Variants in SGCD observed in about 807,000 individuals in gnomAD.
The protein encoded by SGCD is delta-sarcoglycan.
A neutral mutation model predicts 36.6 loss-of-function variants in SGCD; 18 were observed. The observed-to-expected ratio is 0.49, with a 90% confidence interval of 0.34 to 0.73. The LOEUF (loss-of-function observed/expected upper bound fraction) is 0.73, where lower values mean the gene tolerates loss of function less well. Among genes scored for constraint, SGCD ranks in the 30% least tolerant of loss-of-function variants. The pLI is 0.01. For synonymous variants in SGCD, 133 were observed against 130.6 expected (o/e 1.02, Z -0.12); for missense variants, 387 against 346.7 (o/e 1.12, Z -0.92).
chr5:156,172,159 C>T (rs533731986), intron 3 of SGCD, among the ~76,000 whole-genome samples: 1 of 152,294 alleles, frequency 6.6e-6, no homozygotes, highest in South Asian at 2.1e-4. Flanking sequence ...TGGCAGATGC[C>T]TGTAATCCAA....
intron 1 of SGCD, among the ~76,000 whole-genome samples, chr5:156,008,832 G>T (rs545464221): frequency 2.4e-4 from 37 of 152,292 alleles, no homozygotes; most frequent in African/African-American, 8.7e-4. Flanking sequence ...TGTATCTTTT[G>T]CAGGAGGCAC....
chr5:156,680,637 C>T (rs915362398), intron 7 of SGCD, among the ~76,000 whole-genome samples: 3 of 152,114 alleles, frequency 2.0e-5, no homozygotes, highest in African/African-American at 7.2e-5. Context: ...TATGGTCCCA[C>T]CTCAGTGAAC....
At chr5:156,487,009 A>G (rs995306675) in intron 3 of SGCD, among the ~76,000 whole-genome samples, 1 of 152,128 alleles carries the variant, frequency 6.6e-6, no homozygotes, top group East Asian at 1.9e-4. Context: ...ACTGTCAGCT[A>G]TCAGTACCCA....
intron 3 of SGCD, among the ~76,000 whole-genome samples, chr5:156,483,925 G>A (rs916928588): frequency 7.3e-6 from 1 of 137,140 alleles, no homozygotes; most frequent in African/African-American, 2.5e-5. Context: ...TAGTAGAATG[G>A]CTTTTGCAGC....
chr5:156,690,048 C>G (rs757329932), intron 7 of SGCD, among the ~76,000 whole-genome samples: 6 of 152,058 alleles, frequency 3.9e-5, no homozygotes, highest in Non-Finnish European at 8.8e-5. Context: ...CAAAATATGC[C>G]GTTGCTATTT....
intron 3 of SGCD, among the ~76,000 whole-genome samples, chr5:156,491,232 T>C (rs986720965): frequency 2.0e-5 from 3 of 152,086 alleles, no homozygotes; most frequent in African/African-American, 7.2e-5. Context: ...TGATCATAGA[T>C]AGGAAGAATT....
chr5:156,396,138 C>A (rs1771837558), intron 3 of SGCD, among the ~76,000 whole-genome samples: 1 of 152,194 alleles, frequency 6.6e-6, no homozygotes, highest in African/African-American at 2.4e-5. Flanking sequence ...CTCTCCCCAC[C>A]ACTGCAATCC....
rs1763878387 is a variant in SGCD at position 156,660,534 on chromosome 5, AT to A, written c.575+13001del. ...TCTCCCCCACGTTATCACCTTCCCT[AT>A]TTCCCATGTCTTATTTTTATTATCT... On this transcript the variant is annotated intron_variant, in intron 7 of 8. Transcript: ENST00000337851. Among the ~76,000 whole-genome samples the A allele has an allele frequency of 2.0e-5, 3 of 151,702 alleles. No individual in the cohort carries two copies. In the South Asian group the frequency reaches 6.2e-4, roughly 31 times the overall value.
At chr5:155,957,543 C>T (rs1233709957) in intron 1 of SGCD, among the ~76,000 whole-genome samples, 1 of 152,052 alleles carries the variant, frequency 6.6e-6, no homozygotes, top group Non-Finnish European at 1.5e-5. Context: ...AATCTATATC[C>T]TCTTTGTTTC....
intron 3 of SGCD, among the ~76,000 whole-genome samples, chr5:156,490,455 A>G (rs927123269): frequency 6.7e-6 from 1 of 149,954 alleles, no homozygotes; most frequent in African/African-American, 2.5e-5. Flanking sequence ...GAAAATCCTC[A>G]ACAAAATACT....
In SGCD at chr5:156,759,202, A is replaced by T. The variant is rs764059909; in HGVS notation, c.700-15A>T. On this transcript the variant is annotated splice_polypyrimidine_tract_variant and intron_variant, in intron 8 of 8. Coordinates refer to ENST00000337851, the MANE Select transcript of SGCD (RefSeq NM_000337.6). ...GCCTCTGACCAATGCTTTCCTTCCT[A>T]TTCTCTGTCTTTAGATTAAGTTAGA... The T allele has an allele frequency of 6.8e-6, 11 of 1,609,252 alleles. No individual in the cohort carries two copies. The highest frequency in any genetic ancestry group is 1.7e-4 in the Middle Eastern group (1 of 5,992).
chr5:156,173,278 T>G (rs10075720), intron 3 of SGCD, among the ~76,000 whole-genome samples: 10,646 of 152,206 alleles, frequency 0.07, 980 homozygotes, highest in African/African-American at 0.21. Flanking sequence ...CATGTGGACT[T>G]GCCAAAAAGA....
intron 3 of SGCD, among the ~76,000 whole-genome samples, chr5:156,426,731 T>C (rs1192791449): frequency 2.0e-5 from 3 of 152,072 alleles, no homozygotes; most frequent in African/African-American, 7.2e-5. Context: ...CTTGAGTTGA[T>C]TTTTGTGTAA....
At chr5:156,330,435 G>A (rs1012782051) in intron 2 of SGCD, among the ~76,000 whole-genome samples, 2 of 152,134 alleles carry the variant, frequency 1.3e-5, no homozygotes, top group Non-Finnish European at 1.5e-5. Flanking sequence ...TTTCCTATCT[G>A]TAAGATGATC....
At chr5:156,081,378 C>A (rs983793591) in intron 1 of SGCD, among the ~76,000 whole-genome samples, 1 of 152,042 alleles carries the variant, frequency 6.6e-6, no homozygotes, top group African/African-American at 2.4e-5. Flanking sequence ...TTGGTGTAGA[C>A]ATATATTCAA....
intron 3 of SGCD, among the ~76,000 whole-genome samples, chr5:156,447,028 T>G (rs1753781292): frequency 6.6e-6 from 1 of 152,164 alleles, no homozygotes; most frequent in African/African-American, 2.4e-5. Flanking sequence ...TGAAAGAAAG[T>G]TGAGAACACA....
chr5:156,314,543 G>T (rs1767466074), intron 3 of SGCD, among the ~76,000 whole-genome samples: 1 of 152,024 alleles, frequency 6.6e-6, no homozygotes, highest in South Asian at 2.1e-4. Flanking sequence ...TTATTATAGT[G>T]TCTACTCCAG....
chr5:156,589,249 A>C lies in SGCD; in HGVS notation c.313A>C (p.Lys105Gln). 3 of 1,569,828 alleles carry C rather than the reference A, an allele frequency of 1.9e-6. No homozygotes were observed. The highest frequency in any genetic ancestry group is 2.6e-6 in the Non-Finnish European group (3 of 1,155,018). ...QSRPGNALYFKSARNVTVNIL... is the reference protein window; with the variant it reads ...QSRPGNALYFQSARNVTVNIL... ...ATTGCAGGGTAATGCCCTGTACTTC[A>C]AGTCTGCCAGAAATGTTACAGTGAA... Residue 105 changes from lysine to glutamine, a missense_variant, in exon 5 of 9, where the codon AAG becomes CAG. Lys to Gln is a moderately conservative substitution (Grantham distance 53). Transcript: ENST00000337851.
At chr5:156,133,411 T>C (rs993308235) in intron 3 of SGCD, among the ~76,000 whole-genome samples, 2 of 152,220 alleles carry the variant, frequency 1.3e-5, no homozygotes. Context: ...TCCAGAGATA[T>C]TCTATTCTTT....
Sources: allele counts gnomAD v4.1 joint callset (sites outside exome capture counted in the v4.1 genomes callset), GRCh38; gene constraint gnomAD v4.1.1; transcripts MANE v1.5; gene names NCBI Gene and HGNC (gene_info 2026-07-23, HGNC 2026-07-21).